The following SLC25A13 variants were observed in gnomAD, a reference collection of about 807,000 sequenced individuals.
The protein encoded by SLC25A13 is electrogenic aspartate/glutamate antiporter SLC25A13, mitochondrial.
In SLC25A13, 70 loss-of-function variants were observed where a neutral mutation model predicts 85.5. The ratio of observed to expected loss-of-function variants is 0.82; its 90% confidence interval spans 0.68 to 1.00. SLC25A13 has a LOEUF of 1.00. Ranked by LOEUF, SLC25A13 falls within the 50% of genes least tolerant of loss-of-function variation. SLC25A13 has a pLI of 0.00. For synonymous variants in SLC25A13, 259 were observed against 288.7 expected (o/e 0.90, Z 1.04); for missense variants, 765 against 819.8 (o/e 0.93, Z 0.82).
At chr7:96,155,968 G>T (rs1267378186) in intron 13 of SLC25A13, among the ~76,000 whole-genome samples, 2 of 152,190 alleles carry the variant, frequency 1.3e-5, no homozygotes, top group African/African-American at 2.4e-5. Context: ...ACGCCTAGTT[G>T]TCTCTTGTGA....
At chr7:96,208,505 CTTTTTTTT>C (rs34151128) in intron 5 of SLC25A13, among the ~76,000 whole-genome samples, 2 of 139,744 alleles carry the variant, frequency 1.4e-5, no homozygotes, top group Non-Finnish European at 3.1e-5. Context: ...ACCCTTTTAA[CTTTTTTTT>C]TTTTTTTTTT....
At position 96,184,990 on chromosome 7, in the gene SLC25A13, G is replaced by C. The variant is rs763191789; in HGVS notation, c.955C>G (p.Arg319Gly). 6.2e-7 allele frequency: 1 copy of C among 1,614,096 alleles called. No homozygotes were observed. Among genetic ancestry groups the C allele is most frequent in the Non-Finnish European group, 8.5e-7 (1 of 1,179,978 alleles). Residue 319 changes from arginine to glycine, a missense_variant, in exon 10 of 18, where the codon CGA (arginine) becomes GGA (glycine). Arg to Gly is a moderately radical substitution (Grantham distance 125). Coordinates refer to ENST00000265631, the MANE Select transcript of SLC25A13 (RefSeq NM_014251.3). ...TCTGCAACTTGTAGAAGAACTGGTC[G>C]AGCTGAATCACCTGAGGCCTTCTGC... is the stretch of plus-strand genomic sequence containing the variant. ...QRQKASGDSA[R>G]PVLLQVAESA...
intron 6 of SLC25A13, 131 bp downstream of exon 6, chr7:96,192,906 T>C: frequency 1.0e-6 from 1 of 1,001,940 alleles, no homozygotes; most frequent in Non-Finnish European, 1.5e-6. Flanking sequence ...TTGAGTTTAG[T>C]AATGTATGTG....
intron 9 of SLC25A13, among the ~76,000 whole-genome samples, chr7:96,187,324 T>C (rs1225825938): frequency 6.6e-6 from 1 of 152,242 alleles, no homozygotes; most frequent in Non-Finnish European, 1.5e-5. Context: ...TTGCTGTCAA[T>C]GTAACACAAT....
intron 16 of SLC25A13, 30 bp from the exon 17 acceptor site, chr7:96,121,775 A>G: frequency 6.2e-7 from 1 of 1,613,564 alleles, no homozygotes; most frequent in Non-Finnish European, 8.5e-7. Flanking sequence ...TCACAGATAT[A>G]ATTAGATATT....
chr7:96,151,325 T>C (rs1444006607), intron 13 of SLC25A13, among the ~76,000 whole-genome samples: 5 of 152,122 alleles, frequency 3.3e-5, no homozygotes, highest in Non-Finnish European at 7.4e-5. Flanking sequence ...GGGCCAGGTG[T>C]GGTGGCTCAC....
At chr7:96,269,891 C>T (rs1040166165) in intron 3 of SLC25A13, among the ~76,000 whole-genome samples, 1 of 152,134 alleles carries the variant, frequency 6.6e-6, no homozygotes, top group Non-Finnish European at 1.5e-5. Flanking sequence ...CTCACTTACA[C>T]ATGGAATCTA....
intron 4 of SLC25A13, among the ~76,000 whole-genome samples, chr7:96,233,367 T>C (rs1295600306): frequency 6.6e-6 from 1 of 152,226 alleles, no homozygotes; most frequent in Non-Finnish European, 1.5e-5. Context: ...AAAATTGGTA[T>C]TCCATTGAAA....
At chr7:96,258,906 C>T (rs1335266427) in intron 3 of SLC25A13, among the ~76,000 whole-genome samples, 1 of 152,058 alleles carries the variant, frequency 6.6e-6, no homozygotes, top group African/African-American at 2.4e-5. Flanking sequence ...TCAGAAATAA[C>T]ACCACACATC....
chr7:96,245,416 C>T (rs772359430), intron 3 of SLC25A13, among the ~76,000 whole-genome samples: 19 of 152,154 alleles, frequency 1.2e-4, no homozygotes, highest in Non-Finnish European at 2.2e-4. Context: ...GATGATTCTA[C>T]ATCAAGGAAA....
At chr7:96,162,207 T>C (rs972283921) in intron 13 of SLC25A13, among the ~76,000 whole-genome samples, 13 of 152,246 alleles carry the variant, frequency 8.5e-5, no homozygotes, top group Admixed American at 2.6e-4. Context: ...GCAATCTGTC[T>C]CATCAGCTCT....
intron 3 of SLC25A13, among the ~76,000 whole-genome samples, chr7:96,242,636 C>A (rs1489856299): frequency 2.0e-5 from 3 of 152,158 alleles, no homozygotes. Flanking sequence ...ACTTTGGTCT[C>A]TACAATACCT....
At chr7:96,129,582 C>T (rs1791925992) in intron 15 of SLC25A13, among the ~76,000 whole-genome samples, 1 of 152,096 alleles carries the variant, frequency 6.6e-6, no homozygotes, top group Non-Finnish European at 1.5e-5. Context: ...CAATTAGAAA[C>T]TATGTTCGGA....
intron 2 of SLC25A13, among the ~76,000 whole-genome samples, chr7:96,292,793 T>G (rs1013312792): frequency 1.3e-5 from 2 of 152,184 alleles, no homozygotes; most frequent in Non-Finnish European, 2.9e-5. Flanking sequence ...TACAAACAAA[T>G]GGAAGAACAT....
At chr7:96,135,026 T>C (rs1003030162) in intron 14 of SLC25A13, among the ~76,000 whole-genome samples, 7 of 151,988 alleles carry the variant, frequency 4.6e-5, no homozygotes, top group African/African-American at 9.7e-5. Flanking sequence ...CCTGGTGTGA[T>C]CATCCTGTCA....
At chr7:96,251,162 A>C (rs1320910431) in intron 3 of SLC25A13, among the ~76,000 whole-genome samples, 1 of 152,170 alleles carries the variant, frequency 6.6e-6, no homozygotes, top group Admixed American at 6.5e-5. Flanking sequence ...AAGGAAGAGG[A>C]AGTACAAGGC....
At chr7:96,160,713 T>C (rs1454537731) in intron 13 of SLC25A13, among the ~76,000 whole-genome samples, 2 of 152,180 alleles carry the variant, frequency 1.3e-5, no homozygotes, top group East Asian at 1.9e-4. Context: ...GGTTTAAACA[T>C]AGCAATTGTG....
chr7:96,212,120 C>T (rs1185061987), intron 4 of SLC25A13, among the ~76,000 whole-genome samples: 1 of 152,060 alleles, frequency 6.6e-6, no homozygotes, highest in Non-Finnish European at 1.5e-5. Context: ...ATTCAGGGCT[C>T]CCATGCTGCA....
intron 14 of SLC25A13, among the ~76,000 whole-genome samples, chr7:96,136,482 CTCTT>C (rs1291706013): frequency 2.0e-5 from 3 of 152,194 alleles, no homozygotes; most frequent in African/African-American, 4.8e-5. Context: ...ATTTGTATCT[CTCTT>C]TCTCTCGCAC....
Sources: allele counts gnomAD v4.1 joint callset (sites outside exome capture counted in the v4.1 genomes callset), GRCh38; gene constraint gnomAD v4.1.1; transcripts MANE v1.5; gene names NCBI Gene and HGNC (gene_info 2026-07-23, HGNC 2026-07-21).